The following RSU1 variants were observed in gnomAD, a reference collection of about 807,000 sequenced individuals.
The protein encoded by RSU1 is rsu-1.
In RSU1, 26 loss-of-function variants were observed where a neutral mutation model predicts 31.1. The ratio of observed to expected loss-of-function variants is 0.84; its 90% CI spans 0.61 to 1.16. The LOEUF (loss-of-function observed/expected upper bound fraction) is 1.16, where lower values mean the gene tolerates loss of function less well. Ranked by LOEUF, RSU1 falls within the 50% of genes most tolerant of loss-of-function variation. The probability of loss-of-function intolerance (pLI) is 0.00; values close to 1 mark genes in which losing one functional copy is unlikely to be tolerated. For missense variants in RSU1, 320 were observed against 339.1 expected (o/e 0.94, Z 0.44); for synonymous variants, 164 against 136.3 (o/e 1.20, Z -1.41).
chr10:16,625,956 G>C (rs1013304329), intron 8 of RSU1, among the ~76,000 whole-genome samples: 1 of 152,124 alleles, frequency 6.6e-6, no homozygotes, highest in South Asian at 2.1e-4. Context: ...GTGAACATTC[G>C]GTAACATACA....
At chr10:16,745,514 G>C (rs1031028952) in intron 7 of RSU1, among the ~76,000 whole-genome samples, 2 of 152,156 alleles carry the variant, frequency 1.3e-5, no homozygotes, top group Non-Finnish European at 2.9e-5. Flanking sequence ...GGAGAAGCAA[G>C]TCACATCTTA....
intron 2 of RSU1, among the ~76,000 whole-genome samples, chr10:16,791,635 C>CAAAAAAAAAAAAAA (rs553951655): frequency 1.0e-5 from 1 of 98,488 alleles, no homozygotes. Flanking sequence ...CTCAAAAAAA[C>CAAAAAAAAAAAAAA]AAAAAAAAAA....
At chr10:16,616,371 C>CAAAAAAAA (rs529296931) in intron 8 of RSU1, among the ~76,000 whole-genome samples, 4 of 90,958 alleles carry the variant, frequency 4.4e-5, no homozygotes, top group East Asian at 4.2e-4. Flanking sequence ...GCCTACCAAC[C>CAAAAAAAA]AAAAAAAAAA....
chr10:16,790,575 C>T (rs1429674822), intron 2 of RSU1, among the ~76,000 whole-genome samples: 2 of 152,166 alleles, frequency 1.3e-5, no homozygotes. Flanking sequence ...GTGATGGAGT[C>T]AATCCCAGGC....
chr10:16,641,511 A>G (rs1362906502), intron 8 of RSU1, among the ~76,000 whole-genome samples: 2 of 151,802 alleles, frequency 1.3e-5, no homozygotes, highest in African/African-American at 4.9e-5. Flanking sequence ...AAAAAAAATT[A>G]AAAAGGTTAT....
At chr10:16,698,643 G>T (rs1167600266) in intron 7 of RSU1, among the ~76,000 whole-genome samples, 1 of 152,152 alleles carries the variant, frequency 6.6e-6, no homozygotes, top group Non-Finnish European at 1.5e-5. Context: ...CTCTATTTAG[G>T]TGCTGTCAGT....
chr10:16,815,609 A>G (rs2131283797), intron 2 of RSU1, among the ~76,000 whole-genome samples: 1 of 152,326 alleles, frequency 6.6e-6, no homozygotes, highest in African/African-American at 2.4e-5. Context: ...TTATTAAAAA[A>G]ATGCAAGCAT....
At chr10:16,722,918 ATG>A (rs1302240975) in intron 7 of RSU1, among the ~76,000 whole-genome samples, 21 of 149,774 alleles carry the variant, frequency 1.4e-4, no homozygotes, top group Admixed American at 1.2e-3. Flanking sequence ...ATATACATAT[ATG>A]TATATATACA....
At position 16,654,159 on chromosome 10, in the gene RSU1, C is replaced by T. The variant is rs140885914; in HGVS notation, c.731+40864G>A. On this transcript the variant is annotated intron_variant, in intron 8 of 8. Transcript: ENST00000345264. ...CTGGGATTACACGCGCACACCATCA[C>T]GCCCAGCTAATTTTTGTATTTTTTG... 5.3e-3 allele frequency among the ~76,000 whole-genome samples: 802 copies of T among 151,694 alleles called. 8 individuals carry two copies. Among genetic ancestry groups the T allele is most frequent in the African/African-American group, 0.017 (719 of 41,380 alleles).
chr10:16,810,979 G>T (rs145116619), intron 2 of RSU1, among the ~76,000 whole-genome samples: 112 of 147,198 alleles, frequency 7.6e-4, no homozygotes, highest in African/African-American at 2.7e-3. Context: ...GCAAGATCAT[G>T]CCACTGTAGT....
intron 7 of RSU1, among the ~76,000 whole-genome samples, chr10:16,704,415 G>A (rs569843360): frequency 1.3e-5 from 2 of 152,276 alleles, no homozygotes; most frequent in African/African-American, 2.4e-5. Context: ...CATACTCAAG[G>A]TCATGTGACT....
chr10:16,641,699 C>G (rs986864142), intron 8 of RSU1, among the ~76,000 whole-genome samples: 23 of 152,104 alleles, frequency 1.5e-4, no homozygotes, highest in Admixed American at 1.2e-3. Flanking sequence ...TGACTTGGAG[C>G]CTGAAAGCCT....
chr10:16,758,119 G>A (rs11254171), intron 4 of RSU1, among the ~76,000 whole-genome samples: 7,227 of 152,222 alleles, frequency 0.047, 204 homozygotes, highest in East Asian at 0.085. Context: ...CCCATGTGCC[G>A]CTGACAGCAG....
intron 8 of RSU1, among the ~76,000 whole-genome samples, chr10:16,691,128 T>C (rs1835541194): frequency 6.6e-6 from 1 of 152,160 alleles, no homozygotes; most frequent in South Asian, 2.1e-4. Flanking sequence ...CTGCCTCCCC[T>C]GAAGGCTGCC....
chr10:16,808,784 G>T (rs1332691786), intron 2 of RSU1, among the ~76,000 whole-genome samples: 1 of 152,148 alleles, frequency 6.6e-6, no homozygotes, highest in African/African-American at 2.4e-5. Context: ...TTGGAGATGG[G>T]GCCTTTAAAG....
At chr10:16,650,746 C>CTT (rs11333769) in intron 8 of RSU1, among the ~76,000 whole-genome samples, 13 of 148,676 alleles carry the variant, frequency 8.7e-5, no homozygotes, top group South Asian at 4.3e-4. Flanking sequence ...CACCCGGCTA[C>CTT]TTTTTTTTTT....
intron 2 of RSU1, among the ~76,000 whole-genome samples, chr10:16,800,386 T>G (rs116697631): frequency 0.052 from 7,895 of 152,056 alleles, 252 homozygotes; most frequent in African/African-American, 0.094. Context: ...AGAGACAAAA[T>G]CCCTGAGAGA....
chr10:16,796,500 G>A (rs1462485359), intron 2 of RSU1, among the ~76,000 whole-genome samples: 1 of 151,992 alleles, frequency 6.6e-6, no homozygotes, highest in Non-Finnish European at 1.5e-5. Flanking sequence ...TCACCCCAAA[G>A]GCCCATTAGA....
At chr10:16,813,072 A>G (rs1838441947) in intron 2 of RSU1, among the ~76,000 whole-genome samples, 1 of 151,632 alleles carries the variant, frequency 6.6e-6, no homozygotes, top group African/African-American at 2.4e-5. Flanking sequence ...CCTGGGTTCC[A>G]GCAATCCTCC....
Sources: gnomAD v4.1 joint callset for allele counts (sites outside exome capture counted in the v4.1 genomes callset) on GRCh38, gnomAD v4.1.1 for gene constraint, MANE v1.5 for transcripts, NCBI Gene and HGNC (gene_info 2026-07-23, HGNC 2026-07-21) for gene names.